The following ASIC2 variants were observed in gnomAD, a reference collection of about 807,000 sequenced individuals.
ASIC2 encodes acid-sensing ion channel 2.
ASIC2 carries 25 observed loss-of-function variants against 57.3 expected under a neutral mutation model. That is an observed-to-expected ratio of 0.44 (90% CI 0.32 to 0.61). ASIC2 has a LOEUF of 0.61. Among genes scored for constraint, ASIC2 ranks in the 20% least tolerant of loss-of-function variants. The pLI is 0.06. For synonymous variants in ASIC2, 319 were observed against 307.5 expected, an observed-to-expected ratio of 1.04 and a Z score of -0.39; for missense variants, 641 against 738.1, an observed-to-expected ratio of 0.87 and a Z score of 1.52.
chr17:33,932,221 A>G (rs1351932491), intron 1 of ASIC2, among the ~76,000 whole-genome samples: 1 of 152,160 alleles, frequency 6.6e-6, no homozygotes, highest in Admixed American at 6.5e-5. Flanking sequence ...TGTTCAATGC[A>G]GTATCCACTG....
intron 1 of ASIC2, chr17:33,534,245 C>T (rs1183002946): frequency 6.6e-6 from 1 of 152,160 alleles, no homozygotes; most frequent in Admixed American, 6.5e-5. Flanking sequence ...CCAGAAGTGA[C>T]AAATGATTCT....
chr17:34,152,794 A>T (rs991232350), intron 1 of ASIC2, among the ~76,000 whole-genome samples: 1 of 152,148 alleles, frequency 6.6e-6, no homozygotes, highest in African/African-American at 2.4e-5. Context: ...TCTGCTCTTA[A>T]TCTTGCACTC....
intron 1 of ASIC2, chr17:34,003,815 C>T (rs1305480849): frequency 3.3e-5 from 5 of 152,190 alleles, no homozygotes. Flanking sequence ...AAAAGTCAGT[C>T]AGATCTATCC....
chr17:33,818,183 A>G (rs1187333967), intron 1 of ASIC2, among the ~76,000 whole-genome samples: 1 of 152,212 alleles, frequency 6.6e-6, no homozygotes, highest in Non-Finnish European at 1.5e-5. Flanking sequence ...TATGAAGAGC[A>G]TGTGGGAAGG....
chr17:33,561,861 G>A (rs1021531869), intron 1 of ASIC2, among the ~76,000 whole-genome samples: 1 of 152,222 alleles, frequency 6.6e-6, no homozygotes, highest in Non-Finnish European at 1.5e-5. Flanking sequence ...ATAGATGCAC[G>A]TCTTAGTTCA....
At chr17:33,014,554 G>A (rs1310873378) in intron 9 of ASIC2, among the ~76,000 whole-genome samples, 2 of 152,012 alleles carry the variant, frequency 1.3e-5, no homozygotes, top group African/African-American at 4.8e-5. Flanking sequence ...GGACTTTTAG[G>A]GTTAAGCTGG....
intron 1 of ASIC2, among the ~76,000 whole-genome samples, chr17:33,113,181 A>T (rs937830454): frequency 6.6e-6 from 1 of 152,212 alleles, no homozygotes; most frequent in Non-Finnish European, 1.5e-5. Flanking sequence ...CCAAGTTTTG[A>T]CATTGCCACT....
At chr17:33,765,414 C>T (rs957400853) in intron 1 of ASIC2, among the ~76,000 whole-genome samples, 1 of 152,128 alleles carries the variant, frequency 6.6e-6, no homozygotes, top group African/African-American at 2.4e-5. Flanking sequence ...GGCGATGGAG[C>T]ATAATTGTAA....
chr17:33,689,320 C>T (rs1427292040), intron 1 of ASIC2: 2 of 152,342 alleles, frequency 1.3e-5, no homozygotes, highest in Non-Finnish European at 2.9e-5. Flanking sequence ...ATCCTCCCAC[C>T]TCGGCCTCCC....
At chr17:33,288,456 A>C (rs1248921205) in intron 1 of ASIC2, among the ~76,000 whole-genome samples, 1 of 152,108 alleles carries the variant, frequency 6.6e-6, no homozygotes, top group African/African-American at 2.4e-5. Context: ...GGGTGTGGCA[A>C]GAAATAAAGC....
chr17:33,701,468 C>A (rs1024447690), intron 1 of ASIC2, among the ~76,000 whole-genome samples: 4 of 152,176 alleles, frequency 2.6e-5, no homozygotes, highest in African/African-American at 9.6e-5. Flanking sequence ...GAAAGACCAT[C>A]ATTTTTGTTA....
chr17:33,436,850 C>CTTTTTTTTTTTTTTTTTTTT lies in ASIC2; in HGVS notation c.556-324784_556-324783insAAAAAAAAAAAAAAAAAAAA, dbSNP rs1244300127. ...TGCAATGCCTTAAAACACATTCCAA[C>CTTTTTTTTTTTTTTTTTTTT]TTCTTTTTTTTTTTTTTTTTTTTTT... On this transcript the variant is annotated intron_variant, in intron 1 of 9. Coordinates refer to the ASIC2 transcript ENST00000359872. Among the ~76,000 whole-genome samples the CTTTTTTTTTTTTTTTTTTTT allele has an allele frequency of 2.6e-5, 2 of 76,038 alleles. 1 individual carries two copies. 49.9% of individuals were successfully genotyped at this position (76,038 alleles called of 152,430 possible).
intron 1 of ASIC2, among the ~76,000 whole-genome samples, chr17:33,504,268 C>A (rs570698347): frequency 6.6e-6 from 1 of 152,230 alleles, no homozygotes; most frequent in East Asian, 1.9e-4. Flanking sequence ...TCTAAACCAT[C>A]CTGACTGTCA....
intron 1 of ASIC2, among the ~76,000 whole-genome samples, chr17:33,837,153 T>C (rs1026188541): frequency 1.3e-5 from 2 of 152,282 alleles, no homozygotes; most frequent in African/African-American, 4.8e-5. Context: ...TCAAGTCTTC[T>C]GATAAGTTTT....
chr17:33,171,691 T>C (rs1406063640), intron 1 of ASIC2, among the ~76,000 whole-genome samples: 1 of 152,202 alleles, frequency 6.6e-6, no homozygotes, highest in African/African-American at 2.4e-5. Flanking sequence ...TCAAGGGCTT[T>C]CCATTGTCCT....
At chr17:33,707,029 C>A (rs545010482) in intron 1 of ASIC2, among the ~76,000 whole-genome samples, 6 of 152,214 alleles carry the variant, frequency 3.9e-5, no homozygotes, top group Non-Finnish European at 8.8e-5. Flanking sequence ...TTTATCTTGA[C>A]TATGCATAGA....
At chr17:33,316,387 C>T (rs897915482) in intron 1 of ASIC2, among the ~76,000 whole-genome samples, 4 of 152,198 alleles carry the variant, frequency 2.6e-5, no homozygotes, top group Admixed American at 6.5e-5. Flanking sequence ...AAGTGCTCTG[C>T]GTTCTAGGCA....
In ASIC2 at chr17:34,156,044, G is replaced by A; in HGVS notation, c.489C>T (p.Asp163=). ...TGCAGTAGAGCATCATATCCTTCAG[G>A]TCATGGCCCACACGGTGCAGGAACT... Residue 163 remains aspartate, a synonymous_variant, in exon 1 of 10, where the codon GAC becomes GAT. Coordinates refer to the ASIC2 transcript ENST00000359872. This position sits in a 1 kb window ranked among gnomAD's most constrained non-coding sequence, Gnocchi z 4.4. The A allele has an allele frequency of 6.2e-7, 1 of 1,613,902 alleles. No homozygotes were observed. Among genetic ancestry groups the A allele is most frequent in the Non-Finnish European group, 8.5e-7 (1 of 1,180,010 alleles).
At chr17:33,132,192 A>C (rs2092348875) in intron 1 of ASIC2, among the ~76,000 whole-genome samples, 1 of 152,156 alleles carries the variant, frequency 6.6e-6, no homozygotes, top group Non-Finnish European at 1.5e-5. Context: ...CACACATACT[A>C]TGTGGCTCAA....
Sources: gnomAD v4.1 joint callset for allele counts (sites outside exome capture counted in the v4.1 genomes callset) on GRCh38, gnomAD v4.1.1 for gene constraint, Gnocchi (gnomAD v3.1) non-coding constraint, MANE v1.5 for transcripts, NCBI Gene and HGNC (gene_info 2026-07-23, HGNC 2026-07-21) for gene names.